Variants in FBLN2 observed in about 807,000 individuals in gnomAD.
FBLN2 encodes the protein fibulin 2.
FBLN2 carries 81 observed loss-of-function variants against 123.7 expected under a neutral mutation model. The observed-to-expected ratio is 0.65, with a 90% CI of 0.55 to 0.79. The LOEUF (loss-of-function observed/expected upper bound fraction) is 0.79, where lower values mean the gene tolerates loss of function less well. Among genes scored for constraint, FBLN2 ranks in the 30% least tolerant of loss-of-function variants. The probability of loss-of-function intolerance (pLI) is 0.00; values close to 1 mark genes in which losing one functional copy is unlikely to be tolerated. For synonymous variants in FBLN2, 699 were observed against 701.4 expected, an observed-to-expected ratio of 1.00 and a Z score of 0.05; for missense variants, 1,603 against 1,681.3, an observed-to-expected ratio of 0.95 and a Z score of 0.81.
intron 3 of FBLN2, among the ~76,000 whole-genome samples, chr3:13,609,135 G>C (rs1705303079): frequency 6.6e-6 from 1 of 152,234 alleles, no homozygotes; most frequent in African/African-American, 2.4e-5. Context: ...GCCCCAGGCA[G>C]CCCAACAGTG....
rs895347603 is a variant in FBLN2 at position 13,571,487 on chromosome 3, A to G, written c.1132A>G (p.Arg378Gly). 8.7e-6 allele frequency: 14 copies of G among 1,613,452 alleles called. No homozygotes were observed. Among genetic ancestry groups the G allele is most frequent in the Non-Finnish European group, 1.1e-5 (13 of 1,179,838 alleles). The stretch of plus-strand genomic sequence containing the variant: ...AACTCAGGCCGTGCCTGGCTCTCCC[A>G]GGGACCCAGTCAAGCCCAGCCCCCA... ...VPTQAVPGSP[R>G]DPVKPSPHNI... Residue 378 changes from arginine (R) to glycine (G), a missense_variant, in exon 2 of 18, where the codon AGG becomes GGG. Coordinates refer to ENST00000404922, the MANE Select transcript of FBLN2 (RefSeq NM_001004019.2).
chr3:13,573,469 C>T (rs1292295837), intron 2 of FBLN2, among the ~76,000 whole-genome samples: 4 of 152,190 alleles, frequency 2.6e-5, no homozygotes, highest in Non-Finnish European at 4.4e-5. Flanking sequence ...CAGAACATCA[C>T]ACCTCTGTGA....
At position 13,636,485 on chromosome 3, in the gene FBLN2, G is replaced by C; in HGVS notation, c.3255G>C (p.Glu1085Asp). Residue 1085 changes from glutamate to aspartate, a missense_variant, in exon 17 of 18, where the codon GAG (glutamate) becomes GAC (aspartate). Transcript: ENST00000404922. ...CACTGGGTACCCACAACTGTTCCGAGGCTGAGACCTGCCACAACATCCAGG... is the reference window on the plus strand; with the variant it reads ...CACTGGGTACCCACAACTGTTCCGACGCTGAGACCTGCCACAACATCCAGG... ...ECALGTHNCS[E>D]AETCHNIQGS... 6.2e-7 allele frequency: 1 copy of C among 1,613,722 alleles called. No homozygotes were observed. Among genetic ancestry groups the C allele is most frequent in the Non-Finnish European group, 8.5e-7 (1 of 1,179,766 alleles).
rs370888583 is a variant in FBLN2 at position 13,618,094 on chromosome 3, C to T, written c.1748C>T (p.Ala583Val). 5.1e-5 allele frequency: 83 copies of T among 1,613,140 alleles called. No individual in the cohort carries two copies. The African/African-American group carries it at 6.5e-4, about 13-fold the overall frequency. ...GTCCTAGTTTCAGAGGCAGAGATGGCGGGCCGAGAGGCCCTGTCACTGGGC... is the reference window on the plus strand; with the variant it reads ...GTCCTAGTTTCAGAGGCAGAGATGGTGGGCCGAGAGGCCCTGTCACTGGGC... ...APRRVSEAEM[A>V]GREALSLGTE... Residue 583 changes from alanine to valine, a missense_variant, in exon 6 of 18, where the codon GCG becomes GTG. Transcript: ENST00000404922.
intron 2 of FBLN2, among the ~76,000 whole-genome samples, chr3:13,600,113 TG>T (rs1704981478): frequency 1.5e-5 from 2 of 130,336 alleles, no homozygotes; most frequent in Non-Finnish European, 3.3e-5. Context: ...CTGTGAGAGG[TG>T]GTCTCAGAAG....
At chr3:13,635,401 C>T (rs1475981868) in intron 16 of FBLN2, among the ~76,000 whole-genome samples, 1 of 152,020 alleles carries the variant, frequency 6.6e-6, no homozygotes, top group East Asian at 1.9e-4. Context: ...CACACACACC[C>T]ACACACACCC....
chr3:13,633,776 C>T (rs557560871), intron 16 of FBLN2, among the ~76,000 whole-genome samples: 29 of 152,326 alleles, frequency 1.9e-4, no homozygotes, highest in Non-Finnish European at 3.4e-4. Flanking sequence ...ACCTGGCATG[C>T]ACACTCCATG....
chr3:13,557,763 C>A (rs891772789), intron 1 of FBLN2, among the ~76,000 whole-genome samples: 5 of 152,232 alleles, frequency 3.3e-5, no homozygotes, highest in African/African-American at 1.2e-4. Flanking sequence ...AGGGGGGTTC[C>A]CCAGAGGAGA....
rs777179457 is a variant in FBLN2 at position 13,614,003 on chromosome 3, G to C, written c.1568G>C (p.Gly523Ala). 27 of 1,612,512 alleles carry C rather than the reference G, an allele frequency of 1.7e-5. 1 individual carries two copies. Among genetic ancestry groups the C allele is most frequent in the South Asian group, 8.8e-5 (8 of 91,060 alleles). Residue 523 changes from glycine to alanine, a missense_variant, in exon 5 of 18, where the codon GGC becomes GCC. Physicochemically the swap from Gly to Ala is moderately conservative, Grantham distance 60. Coordinates refer to ENST00000404922, the MANE Select transcript of FBLN2 (RefSeq NM_001004019.2). ...CTGCAGCAATGCTGTGACTGCTGTG[G>C]CCTGGGCCTCCGCGTGCGGGCCGAG... Reference protein sequence around the residue: ...SLYKQCCDCCGLGLRVRAEGQ... With the variant: ...SLYKQCCDCCALGLRVRAEGQ...
intron 10 of FBLN2, among the ~76,000 whole-genome samples, chr3:13,626,873 T>C (rs1295513517): frequency 6.6e-6 from 1 of 152,212 alleles, no homozygotes; most frequent in Non-Finnish European, 1.5e-5. Context: ...TCCCCCTTGC[T>C]GTGGCCTGGT....
chr3:13,598,760 A>G (rs977936625), intron 2 of FBLN2, among the ~76,000 whole-genome samples: 2 of 152,164 alleles, frequency 1.3e-5, no homozygotes, highest in Admixed American at 1.3e-4. Flanking sequence ...TTCTTGGCCC[A>G]TGAGACCCTC....
chr3:13,588,786 G>A (rs543428330), intron 2 of FBLN2, among the ~76,000 whole-genome samples: 1 of 152,290 alleles, frequency 6.6e-6, no homozygotes, highest in African/African-American at 2.4e-5. Context: ...GTATGTTTAC[G>A]TTTCTCATAG....
chr3:13,568,260 G>A (rs1455043726), intron 1 of FBLN2, among the ~76,000 whole-genome samples: 2 of 152,116 alleles, frequency 1.3e-5, no homozygotes, highest in African/African-American at 2.4e-5. Flanking sequence ...TCCCTGCCTC[G>A]GTCACACAAC....
At chr3:13,581,156 TG>T (rs2124840578) in intron 2 of FBLN2, among the ~76,000 whole-genome samples, 1 of 107,730 alleles carries the variant, frequency 9.3e-6, no homozygotes, top group East Asian at 3.2e-4. Context: ...TATTACTTCC[TG>T]GGGGATACGT....
intron 1 of FBLN2, among the ~76,000 whole-genome samples, chr3:13,549,990 G>A (rs1443358277): frequency 6.6e-6 from 1 of 152,178 alleles, no homozygotes; most frequent in Admixed American, 6.5e-5. Context: ...CGCCACACAG[G>A]GGTAGCTATC....
At chr3:13,581,574 T>C (rs974988956) in intron 2 of FBLN2, among the ~76,000 whole-genome samples, 2 of 152,170 alleles carry the variant, frequency 1.3e-5, no homozygotes, top group Non-Finnish European at 2.9e-5. Flanking sequence ...CCGCTGCTTT[T>C]GCCACATTGT....
At chr3:13,625,926 C>T (rs759963458) in intron 9 of FBLN2, among the ~76,000 whole-genome samples, 53 of 151,930 alleles carry the variant, frequency 3.5e-4, no homozygotes, top group Non-Finnish European at 6.6e-4. Flanking sequence ...AGCTGGCTTC[C>T]TTCTCAGGGC....
chr3:13,566,425 C>G (rs535892905), intron 1 of FBLN2: 1 of 152,340 alleles, frequency 6.6e-6, no homozygotes, highest in South Asian at 2.1e-4. Flanking sequence ...GGAGTGTTCT[C>G]CACTTGGAGC....
chr3:13,574,477 G>A (rs1024340387), intron 2 of FBLN2, among the ~76,000 whole-genome samples: 15 of 152,200 alleles, frequency 9.9e-5, no homozygotes, highest in Non-Finnish European at 2.1e-4. Flanking sequence ...CCAGGGAGCC[G>A]GGCATGTGGC....
Sources: allele counts gnomAD v4.1 joint callset (sites outside exome capture counted in the v4.1 genomes callset), GRCh38; gene constraint gnomAD v4.1.1; transcripts MANE v1.5; gene names NCBI Gene and HGNC (gene_info 2026-07-23, HGNC 2026-07-21).